The following RAET1E variants were observed in gnomAD, a reference collection of about 807,000 sequenced individuals.
The protein encoded by RAET1E is NKG2D ligand 4.
A neutral mutation model predicts 21.1 loss-of-function variants in RAET1E; 27 were observed. The ratio of observed to expected loss-of-function variants is 1.28; its 90% CI spans 0.94 to 1.76. The LOEUF is 1.76. Among genes scored for constraint, RAET1E ranks in the 40% most tolerant of loss-of-function variants. The probability of loss-of-function intolerance (pLI) is 0.00; values close to 1 mark genes in which losing one functional copy is unlikely to be tolerated. For synonymous variants in RAET1E, 113 were observed against 115.0 expected, an observed-to-expected ratio of 0.98 and a Z score of 0.11; for missense variants, 310 against 311.3, an observed-to-expected ratio of 1.00 and a Z score of 0.03.
chr6:149,890,068 A>C lies in RAET1E; in HGVS notation c.163T>G (p.Phe55Val), dbSNP rs545683860. 6.2e-7 allele frequency: 1 copy of C among 1,614,116 alleles called. No homozygotes were observed. The highest frequency in any genetic ancestry group is 1.3e-5 in the African/African-American group (1 of 75,018). The stretch of plus-strand genomic sequence containing the variant: ...TGAAGGAAAAGATTTTTATTCAAGA[A>C]GACCTGCGCTTCACACCAGGGCTGT... ...PGQPWCEAQV[F>V]LNKNLFLQYN... Residue 55 changes from phenylalanine (F) to valine (V), a missense_variant, in exon 4 of 6, where the codon TTC becomes GTC. By Grantham distance (50) the Phe-to-Val change is conservative. Coordinates refer to ENST00000357183, the MANE Select transcript of RAET1E (RefSeq NM_001394057.1).
rs1777826766 is a variant in RAET1E at position 149,890,250 on chromosome 6, G to T, written c.86-105C>A. On this transcript the variant is annotated intron_variant, in intron 3 of 5. Coordinates refer to ENST00000357183, the MANE Select transcript of RAET1E (RefSeq NM_001394057.1). ...CCTGGACTGGGCCAGGCTAGCAGAG[G>T]CGGGGCAGCTCCATCCCAGACTCCC... 6.3e-6 allele frequency: 8 copies of T among 1,275,104 alleles called. No homozygotes were observed. The South Asian group carries it at 1.1e-4, about 18-fold the overall frequency. 79.0% of individuals were successfully genotyped at this position (1,275,104 alleles called of 1,614,324 possible).
Position 149,888,369 on chromosome 6 carries a change from C to A in RAET1E, c.*129G>T. The stretch of plus-strand genomic sequence containing the variant: ...ATCCCTCCTCTCACTGCACATTGTG[C>A]TGCCAGCCCTGCTGTGTAGTGTGGG... On this transcript the variant is annotated 3_prime_UTR_variant, in exon 6 of 6. Coordinates refer to ENST00000357183, the MANE Select transcript of RAET1E (RefSeq NM_001394057.1). 1 of 1,118,068 alleles carries A rather than the reference C, an allele frequency of 8.9e-7. No individual in the cohort carries two copies. Among genetic ancestry groups the A allele is most frequent in the Non-Finnish European group, 1.3e-6 (1 of 767,678 alleles). 69.3% of individuals were successfully genotyped at this position (1,118,068 alleles called of 1,614,324 possible).
Position 149,883,914 on chromosome 6 carries a change from T to C in RAET1E, c.*4584A>G, listed in dbSNP as rs767433780. On this transcript the variant is annotated 3_prime_UTR_variant, in exon 6 of 6. Coordinates refer to ENST00000357183, the MANE Select transcript of RAET1E (RefSeq NM_001394057.1). ...CAGAAAACTGCCTCACAAATGATTA[T>C]ACTACCTCTCAAATAATTTCCAACA... 1.1e-4 allele frequency: 17 copies of C among 153,338 alleles called. No individual in the cohort carries two copies. Among genetic ancestry groups the C allele is most frequent in the Non-Finnish European group, 2.0e-4 (14 of 68,858 alleles). 9.5% of individuals were successfully genotyped at this position (153,338 alleles called of 1,614,324 possible). A position where few individuals can be genotyped will look rare whatever the true frequency, so the allele number is the denominator to read the frequency against.
chr6:149,892,099 G>A (rs1286530259), intron 2 of RAET1E, among the ~76,000 whole-genome samples: 2 of 152,144 alleles, frequency 1.3e-5, no homozygotes, highest in South Asian at 2.1e-4. Context: ...TGGTGTATAC[G>A]TGCCACATTT....
In RAET1E at chr6:149,884,613, CA is replaced by C. The variant is rs539377970; in HGVS notation, c.*3884del. The C allele has an allele frequency of 2.0e-4, 185 of 927,094 alleles. 1 individual carries two copies. In the East Asian group the frequency reaches 4.8e-3, roughly 24 times the overall value. 57.4% of individuals were successfully genotyped at this position (927,094 alleles called of 1,614,324 possible). A position where few individuals can be genotyped will look rare whatever the true frequency, so the allele number is the denominator to read the frequency against. On this transcript the variant is annotated 3_prime_UTR_variant, in exon 6 of 6. Transcript: ENST00000357183. ...TCCCACCTCTCTCTCAGGGAGAGAT[CA>C]GCCGCTATTGTTCACATTCTGCCTC... is the stretch of plus-strand genomic sequence containing the variant.
intron 2 of RAET1E, among the ~76,000 whole-genome samples, chr6:149,892,356 C>T (rs1416394348): frequency 6.6e-6 from 1 of 152,242 alleles, no homozygotes; most frequent in Non-Finnish European, 1.5e-5. Flanking sequence ...TTTCCACAAC[C>T]TCTCCAACAT....
chr6:149,885,343 C>G lies in RAET1E; in HGVS notation c.*3155G>C, dbSNP rs922537476. Among the ~76,000 whole-genome samples, 1 of 152,242 alleles carries G rather than the reference C, an allele frequency of 6.6e-6. No homozygotes were observed. Among genetic ancestry groups the G allele is most frequent in the South Asian group, 2.1e-4 (1 of 4,826 alleles). Reference sequence around the variant, plus strand: ...GAGACAGTCCCCGAGACTCATTCAGCCTTTGCCTTTCTCCTGTTGGCCAGG... The same window carrying G: ...GAGACAGTCCCCGAGACTCATTCAGGCTTTGCCTTTCTCCTGTTGGCCAGG... On this transcript the variant is annotated 3_prime_UTR_variant, in exon 6 of 6. Transcript: ENST00000357183.
At chr6:149,889,229 C>A in intron 5 of RAET1E, 119 bp downstream of exon 5, 1 of 1,478,924 alleles carries the variant, frequency 6.8e-7, no homozygotes, top group Non-Finnish European at 8.9e-7. Flanking sequence ...ACTCTCCAGA[C>A]AGGAAGCCCA....
intron 1 of RAET1E, 187 bp from the exon 2 acceptor site, chr6:149,896,219 G>A (rs1412688837): frequency 1.3e-5 from 2 of 152,202 alleles, no homozygotes; most frequent in Non-Finnish European, 2.9e-5. Context: ...AGATGCTAGG[G>A]CCCTTATGAT....
rs1777801627 is a variant in RAET1E at position 149,889,875 on chromosome 6, C to T, written c.346+10G>A. 6.2e-7 allele frequency: 1 copy of T among 1,611,438 alleles called. No homozygotes were observed. The highest frequency in any genetic ancestry group is 1.7e-5 in the Admixed American group (1 of 59,934). On this transcript the variant is annotated intron_variant, in intron 4 of 5. Coordinates refer to ENST00000357183, the MANE Select transcript of RAET1E (RefSeq NM_001394057.1). ...CCTGCCTCTGTTTGCCCACCCCATT[C>T]CACACTTACCACTGGTCTTTATCTG...
intron 1 of RAET1E, among the ~76,000 whole-genome samples, chr6:149,896,665 T>TGC (rs1491088128): frequency 6.6e-5 from 10 of 151,362 alleles, no homozygotes; most frequent in African/African-American, 2.2e-4. Flanking sequence ...TGTGTGTGTG[T>TGC]GCATGGGTGC....
chr6:149,889,276 A>G, intron 5 of RAET1E, 72 bp downstream of exon 5: 1 of 1,579,366 alleles, frequency 6.3e-7, no homozygotes, highest in Non-Finnish European at 8.6e-7. Context: ...GCACACACAC[A>G]CTGACACCCA....
At chr6:149,889,133 G>T in intron 5 of RAET1E, 1 of 1,432,180 alleles carries the variant, frequency 7.0e-7, no homozygotes, top group Non-Finnish European at 9.1e-7. Context: ...ATTGGTTAAT[G>T]GGAAGGGGTT....
At chr6:149,895,627 C>G (rs1778087124) in intron 2 of RAET1E, 1 of 152,194 alleles carries the variant, frequency 6.6e-6, no homozygotes, top group South Asian at 2.1e-4. Context: ...TCTTAGGGCT[C>G]TAAGTTTTGA....
At chr6:149,891,733 T>A (rs9371541) in intron 2 of RAET1E, among the ~76,000 whole-genome samples, 85,606 of 150,710 alleles carry the variant, frequency 0.57, 25,664 homozygotes, top group East Asian at 0.88. Flanking sequence ...CAAAAAAAAA[T>A]TTTTTTTTAT....
chr6:149,895,611 G>A (rs1778086418), intron 2 of RAET1E: 1 of 152,200 alleles, frequency 6.6e-6, no homozygotes, highest in Admixed American at 6.5e-5. Flanking sequence ...CTATCATTGG[G>A]AAAAGTCTTA....
chr6:149,889,229 C>G, intron 5 of RAET1E, 119 bp downstream of exon 5: 1 of 1,478,924 alleles, frequency 6.8e-7, no homozygotes. Flanking sequence ...ACTCTCCAGA[C>G]AGGAAGCCCA....
At chr6:149,897,782 C>A (rs2114612498) in intron 1 of RAET1E, among the ~76,000 whole-genome samples, 1 of 152,230 alleles carries the variant, frequency 6.6e-6, no homozygotes, top group Admixed American at 6.5e-5. Flanking sequence ...TGGAAGGAGG[C>A]ACGGATCCCT....
intron 3 of RAET1E, among the ~76,000 whole-genome samples, chr6:149,890,509 A>G (rs9478218): frequency 0.019 from 2,847 of 152,296 alleles, 84 homozygotes; most frequent in African/African-American, 0.065. Flanking sequence ...ATAGAAAGGA[A>G]AAAGAGGCAT....
Sources: gnomAD v4.1 joint callset for allele counts (sites outside exome capture counted in the v4.1 genomes callset) on GRCh38, gnomAD v4.1.1 for gene constraint, MANE v1.5 for transcripts, NCBI Gene and HGNC (gene_info 2026-07-23, HGNC 2026-07-21) for gene names.